Variants in TPM2 observed in about 807,000 individuals in gnomAD.
TPM2 encodes the protein tropomyosin beta chain.
TPM2 carries 26 observed loss-of-function variants against 41.0 expected under a neutral mutation model. The observed-to-expected ratio is 0.63, with a 90% CI of 0.46 to 0.88. The LOEUF is 0.88. Ranked by LOEUF, TPM2 falls within the 40% of genes least tolerant of loss-of-function variation. The probability of loss-of-function intolerance (pLI) is 0.00; values close to 1 mark genes in which losing one functional copy is unlikely to be tolerated. For synonymous variants in TPM2, 143 were observed against 139.3 expected (o/e 1.03, Z -0.19); for missense variants, 187 against 355.2 (o/e 0.53, Z 3.81).
rs753155531 is a variant in TPM2 at position 35,684,298 on chromosome 9, C to T, written c.720G>A (p.Glu240=). 1.5e-5 allele frequency: 24 copies of T among 1,614,056 alleles called. No individual in the cohort carries two copies. In the South Asian group the frequency reaches 2.6e-4, roughly 18 times the overall value. Residue 240 remains glutamate, a synonymous_variant, in exon 8 of 9, where the codon GAG becomes GAA. Transcript: ENST00000645482. ...EKLKEAETRA[E]FAERSVAKLE... The stretch of plus-strand genomic sequence containing the variant: ...ACTTTGCCACAGACCTCTCGGCAAA[C>T]TCTGCTCGGGTCTCAGCCTGGGGGT...
Position 35,683,359 on chromosome 9 carries a change from AGAGT to A in TPM2, c.773-122_773-119del, listed in dbSNP as rs1169575144. On this transcript the variant is annotated intron_variant, in intron 8 of 8. Transcript: ENST00000645482. ...AACAGAATCAGAGGTACACAAAGAC[AGAGT>A]GAGAGAGGGAGGCCAGGGAACAGGC... 10 of 1,010,668 alleles carry A rather than the reference AGAGT, an allele frequency of 9.9e-6. No individual in the cohort carries two copies. In the South Asian group the frequency reaches 1.4e-4, roughly 15 times the overall value. 62.6% of individuals were successfully genotyped at this position (1,010,668 alleles called of 1,614,324 possible).
chr9:35,687,647 G>A (rs970432046), intron 2 of TPM2, among the ~76,000 whole-genome samples: 7 of 152,228 alleles, frequency 4.6e-5, no homozygotes, highest in South Asian at 4.2e-4. Flanking sequence ...GCACAGGGCC[G>A]GATGACAGTG....
Position 35,685,106 on chromosome 9 carries a change from G to A in TPM2, c.563+163C>T. On this transcript the variant is annotated intron_variant, in intron 5 of 8. Coordinates refer to ENST00000645482, the MANE Select transcript of TPM2 (RefSeq NM_003289.4). The surrounding 1 kb of genome is among the most constrained non-coding windows in gnomAD (Gnocchi z 5.0). ...TCAGGGACTTGAGGGCCTGGTCCAT[G>A]GTTCGAAGTTCCTCCTCCAGCTGTC... 3.1e-6 allele frequency: 5 copies of A among 1,614,182 alleles called. No individual in the cohort carries two copies. The highest frequency in any genetic ancestry group is 4.2e-6 in the Non-Finnish European group (5 of 1,180,028).
In TPM2 at chr9:35,685,720, G is replaced by C; in HGVS notation, c.301C>G (p.Arg101Gly). 1 of 1,614,136 alleles carries C rather than the reference G, an allele frequency of 6.2e-7. No individual in the cohort carries two copies. ...GCTGTAGCCAGGCGCTCCTGGGCCC[G>C]GTCCAGCTCCTCCTCAACCAGCTGA... ...RIQLVEEELDRAQERLATALQ... is the reference protein window; with the variant it reads ...RIQLVEEELDGAQERLATALQ... Residue 101 changes from arginine to glycine, a missense_variant, in exon 3 of 9, where the codon CGG becomes GGG. Transcript: ENST00000645482. This position sits in a 1 kb window ranked among gnomAD's most constrained non-coding sequence, Gnocchi z 5.0.
chr9:35,689,018 T>A lies in TPM2; in HGVS notation c.240+128A>T, dbSNP rs915311626. On this transcript the variant is annotated intron_variant, in intron 2 of 8. Coordinates refer to ENST00000645482, the MANE Select transcript of TPM2 (RefSeq NM_003289.4). ...TTTACCCTAGCCCTGGTTACTGAGA[T>A]GAAACCATTTCTCTCCTGGCGCTGG... 21 of 1,155,918 alleles carry A rather than the reference T, an allele frequency of 1.8e-5. No homozygotes were observed. In the African/African-American group the frequency reaches 3.2e-4, roughly 18 times the overall value. 71.6% of individuals were successfully genotyped at this position (1,155,918 alleles called of 1,614,324 possible). A position where few individuals can be genotyped will look rare whatever the true frequency, so the allele number is the denominator to read the frequency against.
Position 35,684,428 on chromosome 9 carries a change from G to A in TPM2, c.702+60C>T, listed in dbSNP as rs116715720. ...ACCCTCAAGTGTCCTGCCACAGGCC[G>A]TCTCTGGCAAGGATTAGGGTGGCTT... On this transcript the variant is annotated intron_variant, in intron 7 of 8. Transcript: ENST00000645482. 1,685 of 1,612,298 alleles carry A rather than the reference G, an allele frequency of 1.0e-3. 13 individuals are homozygous for A. In the African/African-American group the frequency reaches 0.019, roughly 18 times the overall value.
chr9:35,684,644 G>A (rs1255517406), intron 6 of TPM2, 88 bp downstream of exon 6: 32 of 1,612,848 alleles, frequency 2.0e-5, no homozygotes, highest in African/African-American at 9.4e-5. Context: ...TCTTGCCTCC[G>A]TTGAACACCC....
rs148516241 is a variant in TPM2, at chr9:35,683,168, G to T, written c.846C>A (p.Thr282=). The stretch of plus-strand genomic sequence containing the variant: ...CACGCTGGCGTGGGGCTCAGAGGGA[G>T]GTGATGTCATTGAGTGCGTTGTCCA... ...EELDNALNDI[T]SL is the part of the protein sequence containing the mutation. Residue 282 remains threonine (T), a synonymous_variant, in exon 9 of 9, where the codon ACC becomes ACA. Transcript: ENST00000645482. The T allele has an allele frequency of 3.6e-5, 56 of 1,555,296 alleles. No individual in the cohort carries two copies. In the African/African-American group the frequency reaches 7.1e-4, roughly 20 times the overall value.
At chr9:35,682,203 A>C (rs1824601644), downstream of TPM2, 1 of 1,606,960 alleles carries the variant, frequency 6.2e-7, no homozygotes, top group East Asian at 2.2e-5. Context: ...AGGGAGACAC[A>C]AGGGGGAGAC....
chr9:35,682,785 G>A, downstream of TPM2: 6 of 1,344,280 alleles, frequency 4.5e-6, no homozygotes, highest in East Asian at 4.7e-5. Flanking sequence ...CCTGTGCAGA[G>A]GGGTTTCAGC....
chr9:35,689,074 C>G, intron 2 of TPM2, 72 bp downstream of exon 2: 1 of 1,583,632 alleles, frequency 6.3e-7, no homozygotes, highest in Non-Finnish European at 8.7e-7. Context: ...CCCCAATCCT[C>G]TTATTCCCAT....
At chr9:35,683,894 C>T in intron 8 of TPM2, 1 of 374,946 alleles carries the variant, frequency 2.7e-6, no homozygotes, top group Non-Finnish European at 5.1e-6. Context: ...AAGGGTGCCA[C>T]TCAGAGTGTG....
chr9:35,690,007 C>T, upstream of TPM2: 1 of 1,442,230 alleles, frequency 6.9e-7, no homozygotes, highest in Non-Finnish European at 9.1e-7. Flanking sequence ...CCCACCTCGG[C>T]CCAAACCTTG....
At chr9:35,689,433 G>A in intron 1 of TPM2, 162 bp from the exon 2 acceptor site, 1 of 968,836 alleles carries the variant, frequency 1.0e-6, no homozygotes, top group Non-Finnish European at 1.2e-6. Flanking sequence ...GGGACCCGTT[G>A]AGGGTACAGA....
intron 2 of TPM2, among the ~76,000 whole-genome samples, chr9:35,686,866 G>A (rs1281484007): frequency 6.6e-6 from 1 of 152,042 alleles, no homozygotes. Flanking sequence ...TGGAGGTTTT[G>A]GAAAAAATCC....
At chr9:35,687,981 C>T (rs1825023745) in intron 2 of TPM2, among the ~76,000 whole-genome samples, 1 of 152,106 alleles carries the variant, frequency 6.6e-6, no homozygotes, top group African/African-American at 2.4e-5. Context: ...TTCAAGGTCA[C>T]CAGGAAGCTT....
At position 35,689,647 on chromosome 9, in the gene TPM2, C is replaced by T. The variant is rs1482847381; in HGVS notation, c.114+57G>A. On this transcript the variant is annotated intron_variant, in intron 1 of 8. Transcript: ENST00000645482. Reference sequence around the variant, plus strand: ...CCCGGGGCTGGGGGACCCATGGCAGCGGCCCACCCTTGCCCTAGGCGCGGG... The same window carrying T: ...CCCGGGGCTGGGGGACCCATGGCAGTGGCCCACCCTTGCCCTAGGCGCGGG... 1.2e-5 allele frequency: 19 copies of T among 1,603,286 alleles called. No homozygotes were observed. The Admixed American group carries it at 2.8e-4, about 24-fold the overall frequency.
chr9:35,689,853 GA>G lies in TPM2; in HGVS notation c.-37del. 1 of 1,612,742 alleles carries G rather than the reference GA, an allele frequency of 6.2e-7. No homozygotes were observed. The highest frequency in any genetic ancestry group is 8.5e-7 in the Non-Finnish European group (1 of 1,179,312). On this transcript the variant is annotated 5_prime_UTR_variant, in exon 1 of 9. Coordinates refer to ENST00000645482, the MANE Select transcript of TPM2 (RefSeq NM_003289.4). ...GGGGGTGGGCCGGCCGGCAGGCGGT[GA>G]GGACCGGACGGACTGGGCTGGGTGA...
upstream of TPM2, chr9:35,689,984 A>C (rs1486205088): frequency 3.4e-6 from 5 of 1,489,060 alleles, no homozygotes; most frequent in Non-Finnish European, 4.5e-6. Context: ...GGGGCCGGCA[A>C]CCAGGACCCT....
Sources: gnomAD v4.1 joint callset for allele counts (sites outside exome capture counted in the v4.1 genomes callset) on GRCh38, gnomAD v4.1.1 for gene constraint, Gnocchi (gnomAD v3.1) non-coding constraint, MANE v1.5 for transcripts, NCBI Gene and HGNC (gene_info 2026-07-23, HGNC 2026-07-21) for gene names.